The following HSPA4 variants were observed in gnomAD, a reference collection of about 807,000 sequenced individuals.
HSPA4 encodes the protein heat shock protein family A (Hsp70) member 4, also known as heat shock 70 kDa protein 4.
A neutral mutation model predicts 106.2 loss-of-function variants in HSPA4; 25 were observed. That is an observed-to-expected ratio of 0.24 (90% CI 0.17 to 0.33). The LOEUF (loss-of-function observed/expected upper bound fraction) is 0.33. Ranked by LOEUF, HSPA4 falls within the 10% of genes least tolerant of loss-of-function variation. The probability of loss-of-function intolerance (pLI) is 1.00; values close to 1 mark genes in which losing one functional copy is unlikely to be tolerated. For missense variants in HSPA4, 841 were observed against 996.0 expected (o/e 0.84, Z 2.10); for synonymous variants, 332 against 333.6 (o/e 1.00, Z 0.05).
intron 7 of HSPA4, among the ~76,000 whole-genome samples, chr5:133,082,461 A>G (rs912636783): frequency 6.6e-6 from 1 of 152,128 alleles, no homozygotes; most frequent in Non-Finnish European, 1.5e-5. Flanking sequence ...TATCTTTTTA[A>G]TTTTTAAAAT....
intron 13 of HSPA4, among the ~76,000 whole-genome samples, 183 bp downstream of exon 13, chr5:133,092,972 C>G (rs1054816067): frequency 6.7e-6 from 1 of 149,246 alleles, no homozygotes; most frequent in Non-Finnish European, 1.5e-5. Flanking sequence ...AGACGCCCAC[C>G]ACCACGGCAG....
At chr5:133,103,057 T>G (rs1765808579) in intron 17 of HSPA4, among the ~76,000 whole-genome samples, 1 of 151,900 alleles carries the variant, frequency 6.6e-6, no homozygotes, top group South Asian at 2.1e-4. Flanking sequence ...TTTTTTTGTT[T>G]TTTTTTCCTC....
rs780986615 is a variant in HSPA4 at position 133,076,836 on chromosome 5, AG to A, written c.847del (p.Asp283IlefsTer4). On this transcript the variant is annotated frameshift_variant, in exon 7 of 19. Transcript: ENST00000304858. LOFTEE classifies it high-confidence loss of function. ...AGAAATTGATGAGTGCAAATGCTTC[AG>A]ATCTCCCTTTGAGCATTGAATGTTT... is the stretch of plus-strand genomic sequence containing the variant. ...LKKLMSANAS[D>X]LPLSIECFMN... The A allele has an allele frequency of 6.2e-7, 1 of 1,612,648 alleles. No individual in the cohort carries two copies. Among genetic ancestry groups the A allele is most frequent in the Non-Finnish European group, 8.5e-7 (1 of 1,178,684 alleles).
chr5:133,102,005 C>A, intron 17 of HSPA4, 127 bp downstream of exon 17: 1 of 577,098 alleles, frequency 1.7e-6, no homozygotes, highest in Non-Finnish European at 2.8e-6. Flanking sequence ...CGGCTCAGTG[C>A]AACCTCCACC....
At chr5:133,069,254 ATT>A (rs1213270421) in intron 3 of HSPA4, among the ~76,000 whole-genome samples, 3 of 146,246 alleles carry the variant, frequency 2.1e-5, no homozygotes, top group African/African-American at 5.0e-5. Flanking sequence ...CTTATTTAAA[ATT>A]TTTTTTTTTT....
chr5:133,055,200 G>A lies in HSPA4; in HGVS notation c.107+2843G>A, dbSNP rs138238439. Among the ~76,000 whole-genome samples, 5 of 151,736 alleles carry A rather than the reference G, an allele frequency of 3.3e-5. No individual in the cohort carries two copies. In the East Asian group the frequency reaches 9.7e-4, roughly 29 times the overall value. ...CCTTCATAGTTTTCATTAACTTACA[G>A]GCATGCCATACATTTCAAGTGATTT... On this transcript the variant is annotated intron_variant, in intron 1 of 18. Coordinates refer to ENST00000304858, the MANE Select transcript of HSPA4 (RefSeq NM_002154.4).
chr5:133,071,990 A>G (rs887263625), intron 4 of HSPA4, among the ~76,000 whole-genome samples: 4 of 151,898 alleles, frequency 2.6e-5, no homozygotes, highest in Non-Finnish European at 5.9e-5. Flanking sequence ...CCATTCCTCC[A>G]TCTAGTGCCC....
chr5:133,099,129 A>G (rs1043105138), intron 15 of HSPA4, among the ~76,000 whole-genome samples: 1 of 150,944 alleles, frequency 6.6e-6, no homozygotes, highest in Admixed American at 6.6e-5. Flanking sequence ...CTCCCCCTGT[A>G]TCTTATCTTA....
chr5:133,080,005 C>T (rs1319278339), intron 7 of HSPA4, among the ~76,000 whole-genome samples: 2 of 152,088 alleles, frequency 1.3e-5, no homozygotes, highest in African/African-American at 2.4e-5. Flanking sequence ...AATGCAGTAA[C>T]AATCTATTTT....
chr5:133,102,647 A>G (rs1285874480), intron 17 of HSPA4, among the ~76,000 whole-genome samples: 1 of 152,216 alleles, frequency 6.6e-6, no homozygotes, highest in Non-Finnish European at 1.5e-5. Context: ...TTTGGAGTAT[A>G]AAGTTCCTCC....
chr5:133,068,068 A>C (rs1458704615), intron 3 of HSPA4, among the ~76,000 whole-genome samples: 1 of 151,594 alleles, frequency 6.6e-6, no homozygotes, highest in Non-Finnish European at 1.5e-5. Context: ...AGTTTTTTGC[A>C]TCTTTAGTAG....
chr5:133,063,072 C>A (rs1765265030), intron 1 of HSPA4, among the ~76,000 whole-genome samples: 2 of 151,998 alleles, frequency 1.3e-5, no homozygotes, highest in Admixed American at 1.3e-4. Context: ...TTTCAGGTTG[C>A]ATGACCCTGG....
In HSPA4 at chr5:133,102,913, C is replaced by CTTTTTTTTTTTTTTT. The variant is rs533273263; in HGVS notation, c.2158-949_2158-935dup. The stretch of plus-strand genomic sequence containing the variant: ...TACCACCACACCCAACTAGGGTTGT[C>CTTTTTTTTTTTTTTT]TTTTTTTTTTTTTTTTTGAGATGGC... On this transcript the variant is annotated intron_variant, in intron 17 of 18. Coordinates refer to ENST00000304858, the MANE Select transcript of HSPA4 (RefSeq NM_002154.4). 6.5e-4 allele frequency among the ~76,000 whole-genome samples: 67 copies of CTTTTTTTTTTTTTTT among 103,290 alleles called. 2 individuals carry two copies. Among genetic ancestry groups the CTTTTTTTTTTTTTTT allele is most frequent in the African/African-American group, 1.1e-3 (26 of 23,262 alleles). 67.8% of individuals were successfully genotyped at this position (103,290 alleles called of 152,430 possible).
At chr5:133,078,298 C>T (rs932139798) in intron 7 of HSPA4, among the ~76,000 whole-genome samples, 1 of 150,276 alleles carries the variant, frequency 6.7e-6, no homozygotes, top group African/African-American at 2.5e-5. Context: ...CACCACTGCA[C>T]TCCAGCCTGG....
At position 133,077,471 on chromosome 5, in the gene HSPA4, C is replaced by T. The variant is rs183766171; in HGVS notation, c.908+573C>T. On this transcript the variant is annotated intron_variant, in intron 7 of 18. Coordinates refer to ENST00000304858, the MANE Select transcript of HSPA4 (RefSeq NM_002154.4). ...CAGGCTGGTCTCAAACTCCTGACCT[C>T]AGGTGATCCACCCACCTCAGCCTCC... Among the ~76,000 whole-genome samples the T allele has an allele frequency of 3.0e-4, 46 of 152,338 alleles. No individual in the cohort carries two copies. In the East Asian group the frequency reaches 8.5e-3, roughly 28 times the overall value.
chr5:133,053,827 A>G lies in HSPA4; in HGVS notation c.107+1470A>G, dbSNP rs190027675. ...GGCGCGTGCTACCATGCCCGGCTAA[A>G]TTTTGTATTTTTAGTAGAGACGGGG... On this transcript the variant is annotated intron_variant, in intron 1 of 18. Coordinates refer to ENST00000304858, the MANE Select transcript of HSPA4 (RefSeq NM_002154.4). Among the ~76,000 whole-genome samples, 591 of 150,232 alleles carry G rather than the reference A, an allele frequency of 3.9e-3. 4 individuals carry two copies. Among genetic ancestry groups the G allele is most frequent in the African/African-American group, 0.014 (561 of 40,826 alleles).
rs904825000 is a variant in HSPA4, at chr5:133,077,193, G to A, written c.908+295G>A. ...TTCCAAAAAATCAGGGCAAAGGGCT[G>A]TAATGCAGAATTAAATTGAATTTAA... On this transcript the variant is annotated intron_variant, in intron 7 of 18. Transcript: ENST00000304858. 3.3e-5 allele frequency among the ~76,000 whole-genome samples: 5 copies of A among 152,288 alleles called. No individual in the cohort carries two copies. The East Asian group carries it at 7.7e-4, about 23-fold the overall frequency.
At chr5:133,067,884 C>T (rs970834215) in intron 3 of HSPA4, among the ~76,000 whole-genome samples, 2 of 149,896 alleles carry the variant, frequency 1.3e-5, no homozygotes, top group African/African-American at 4.9e-5. Context: ...GCAGGCAAAG[C>T]AATCACAGTT....
chr5:133,101,652 T>TCA, intron 16 of HSPA4, 107 bp from the exon 17 acceptor site: 1 of 1,043,868 alleles, frequency 9.6e-7, no homozygotes, highest in Non-Finnish European at 1.4e-6. Flanking sequence ...ATTTAACTTC[T>TCA]TATATATAGC....
Sources: allele counts gnomAD v4.1 joint callset (sites outside exome capture counted in the v4.1 genomes callset), GRCh38; gene constraint gnomAD v4.1.1; transcripts MANE v1.5; gene names NCBI Gene and HGNC (gene_info 2026-07-23, HGNC 2026-07-21).